Variants in ABCG1 observed in about 807,000 individuals in gnomAD.
ABCG1 encodes ATP-binding cassette sub-family G member 1.
ABCG1 carries 29 observed loss-of-function variants against 69.2 expected under a neutral mutation model. The ratio of observed to expected loss-of-function variants is 0.42; its 90% CI spans 0.31 to 0.57. The LOEUF is 0.57. Among genes scored for constraint, ABCG1 ranks in the 20% least tolerant of loss-of-function variants. The pLI, the probability that ABCG1 is intolerant of heterozygous loss-of-function variation, is 0.15. For missense variants in ABCG1, 718 were observed against 898.1 expected (o/e 0.80, Z 2.56); for synonymous variants, 370 against 374.8 (o/e 0.99, Z 0.15).
intron 2 of ABCG1, chr21:42,260,064 G>T (rs2068379952): frequency 2.6e-6 from 4 of 1,550,614 alleles, no homozygotes; most frequent in Non-Finnish European, 2.6e-6. Context: ...CGCTATCAGT[G>T]GCAAAGTCTT....
chr21:42,235,300 C>T (rs958340249), intron 2 of ABCG1, among the ~76,000 whole-genome samples: 6 of 152,192 alleles, frequency 3.9e-5, no homozygotes, highest in African/African-American at 7.2e-5. Context: ...AGGGGAACGG[C>T]CCGCGGGTGT....
chr21:42,251,910 T>G (rs2068227898), intron 2 of ABCG1, among the ~76,000 whole-genome samples: 1 of 152,244 alleles, frequency 6.6e-6, no homozygotes. Flanking sequence ...GGCCCAAGGC[T>G]TGCATGTGGC....
chr21:42,252,804 G>A (rs889273570), intron 2 of ABCG1, among the ~76,000 whole-genome samples: 5 of 152,082 alleles, frequency 3.3e-5, no homozygotes, highest in Admixed American at 1.3e-4. Flanking sequence ...TTCCCCACTT[G>A]GATTTTAACC....
intron 2 of ABCG1, among the ~76,000 whole-genome samples, chr21:42,207,153 G>A (rs1328760305): frequency 6.6e-6 from 1 of 152,102 alleles, no homozygotes; most frequent in African/African-American, 2.4e-5. Flanking sequence ...AAGTTTGAGA[G>A]GTTTTCAGCT....
intron 2 of ABCG1, among the ~76,000 whole-genome samples, chr21:42,251,671 G>A (rs1432715268): frequency 6.6e-6 from 1 of 152,162 alleles, no homozygotes; most frequent in Non-Finnish European, 1.5e-5. Flanking sequence ...TGTCTGGAAG[G>A]GCCCAATTGT....
At chr21:42,259,178 G>C in intron 2 of ABCG1, 1 of 1,391,906 alleles carries the variant, frequency 7.2e-7, no homozygotes, top group East Asian at 2.6e-5. Context: ...CTTGGTGTGA[G>C]AGAGACGACA....
upstream of ABCG1, among the ~76,000 whole-genome samples, chr21:42,216,463 G>A (rs539337687): frequency 2.1e-3 from 325 of 152,270 alleles, 1 homozygote; most frequent in African/African-American, 7.4e-3. Flanking sequence ...GGGTCCCATT[G>A]GGGTTAACCT....
At chr21:42,211,110 C>A (rs2067585159), upstream of ABCG1, among the ~76,000 whole-genome samples, 2 of 152,098 alleles carry the variant, frequency 1.3e-5, no homozygotes, top group South Asian at 4.1e-4. Context: ...CAGGCATGTG[C>A]TACCACATCT....
chr21:42,240,527 T>A (rs2068036304), intron 2 of ABCG1, among the ~76,000 whole-genome samples: 1 of 152,268 alleles, frequency 6.6e-6, no homozygotes, highest in African/African-American at 2.4e-5. Flanking sequence ...CTCAGCTCAC[T>A]GCAACCTCCG....
chr21:42,220,046 T>G (rs766413401), intron 1 of ABCG1: 1 of 1,551,758 alleles, frequency 6.4e-7, no homozygotes, highest in East Asian at 2.4e-5. Context: ...ACACAGTTAC[T>G]GTAAGTGCTG....
In ABCG1 at chr21:42,273,324, C is replaced by T. The variant is rs765560328; in HGVS notation, c.426C>T (p.Ala142=). The T allele has an allele frequency of 3.1e-6, 5 of 1,613,498 alleles. No homozygotes were observed. The highest frequency in any genetic ancestry group is 3.3e-5 in the Admixed American group (2 of 60,006). The change falls in exon 4 of 15, where the codon GCC becomes GCT. Residue 142 remains alanine, a synonymous_variant. Transcript: ENST00000398449. The surrounding 1 kb of genome is among the most constrained non-coding windows in gnomAD (Gnocchi z 5.3). ...AGYRETGMKG[A]VLINGLPRDL... ...GCAGGGAGACGGGCATGAAGGGGGC[C>T]GTCCTCATCAACGGCCTGCCCCGGG...
intron 2 of ABCG1, chr21:42,256,524 T>C (rs1309534268): frequency 2.6e-6 from 4 of 1,549,246 alleles, no homozygotes. Context: ...GCCTGGGTGA[T>C]GAGAAATAAT....
intron 10 of ABCG1, 92 bp from the exon 11 acceptor site, chr21:42,289,958 G>C: frequency 6.9e-7 from 1 of 1,446,506 alleles, no homozygotes; most frequent in East Asian, 2.3e-5. Flanking sequence ...CAGAGTTCAG[G>C]GTCCCATGCT....
Position 42,288,258 on chromosome 21 carries a change from C to T in ABCG1, c.1170C>T (p.Leu390=). 9.9e-6 allele frequency: 16 copies of T among 1,614,200 alleles called. No homozygotes were observed. The highest frequency in any genetic ancestry group is 1.4e-5 in the Non-Finnish European group (16 of 1,180,030). ...GCCACAGCTTCTCTGCCAGCTGCCTCACGCAGTTCTGCATCCTCTTCAAGA... is the reference window on the plus strand; with the variant it reads ...GCCACAGCTTCTCTGCCAGCTGCCTTACGCAGTTCTGCATCCTCTTCAAGA... ...EGCHSFSASC[L]TQFCILFKRT... is the part of the protein sequence containing the mutation. The change falls in exon 10 of 15, where the codon CTC becomes CTT. Residue 390 remains leucine (L), a synonymous_variant. Transcript: ENST00000398449. The surrounding 1 kb of genome is among the most constrained non-coding windows in gnomAD (Gnocchi z 4.8).
intron 2 of ABCG1, among the ~76,000 whole-genome samples, chr21:42,250,111 G>T (rs1224895054): frequency 2.0e-5 from 3 of 152,062 alleles, no homozygotes; most frequent in Non-Finnish European, 4.4e-5. Context: ...GGGGGTGCAG[G>T]GGGAGGGGGC....
rs1425117219 is a variant in ABCG1 at position 42,284,563 on chromosome 21, C to G, written c.738C>G (p.Gly246=). 6.2e-7 allele frequency: 1 copy of G among 1,613,170 alleles called. No individual in the cohort carries two copies. The highest frequency in any genetic ancestry group is 2.2e-5 in the East Asian group (1 of 44,876). The part of the protein sequence containing the change: ...PVMFFDEPTS[G]LDSASCFQVV... ...CACGGTGCCTCTTGACTTGCAGCGG[C>G]CTGGACAGCGCCTCCTGCTTCCAGG... The change falls in exon 7 of 15, where the codon GGC becomes GGG. Residue 246 remains glycine (G), a synonymous_variant. Transcript: ENST00000398449.
At chr21:42,286,255 C>G (rs1351557699) in intron 8 of ABCG1, 1 of 416,760 alleles carries the variant, frequency 2.4e-6, no homozygotes, top group East Asian at 4.7e-5. Flanking sequence ...GGACAGCAGT[C>G]ATTGGATTCA....
At chr21:42,221,407 C>T (rs1350128890) in intron 1 of ABCG1, 1 of 152,224 alleles carries the variant, frequency 6.6e-6, no homozygotes, top group Non-Finnish European at 1.5e-5. Flanking sequence ...GGGGTCCATC[C>T]TGGTGTGGAC....
At chr21:42,256,407 T>C (rs1294482504) in intron 2 of ABCG1, 55 of 1,550,008 alleles carry the variant, frequency 3.5e-5, no homozygotes, top group Non-Finnish European at 4.4e-5. Context: ...CTGTGGTGTC[T>C]GGTCCCTACT....
Sources: allele counts gnomAD v4.1 joint callset (sites outside exome capture counted in the v4.1 genomes callset), GRCh38; gene constraint gnomAD v4.1.1; non-coding constraint Gnocchi (gnomAD v3.1); transcripts MANE v1.5; gene names NCBI Gene and HGNC (gene_info 2026-07-23, HGNC 2026-07-21).